The following FABP7 variants were observed in gnomAD, a reference collection of about 807,000 sequenced individuals.
The protein encoded by FABP7 is fatty acid-binding protein, brain.
FABP7 carries 13 observed loss-of-function variants against 14.2 expected under a neutral mutation model. The ratio of observed to expected loss-of-function variants is 0.91; its 90% confidence interval spans 0.59 to 1.45. The LOEUF (loss-of-function observed/expected upper bound fraction) is 1.45, where lower values mean the gene tolerates loss of function less well. FABP7 is among the 40% of genes most tolerant of loss of function. The probability of loss-of-function intolerance (pLI) is 0.00; values close to 1 mark genes in which losing one functional copy is unlikely to be tolerated. For synonymous variants in FABP7, 49 were observed against 51.4 expected (o/e 0.95, Z 0.20); for missense variants, 149 against 157.6 (o/e 0.95, Z 0.29).
rs201036828 is a variant in FABP7 at position 122,780,291 on chromosome 6, G to C, written c.74G>C (p.Gly25Ala). ...QNFDEYMKAL[G>A]VGFATRQVGN... ...TGTACTGTTCCCTTTGCTATTTTAG[G>C]CGTGGGCTTTGCCACTAGGCAGGTG... Residue 25 changes from glycine to alanine, a missense_variant and splice_region_variant, in exon 2 of 4, where the codon GGC (glycine) becomes GCC (alanine). Transcript: ENST00000368444. 1 of 1,613,900 alleles carries C rather than the reference G, an allele frequency of 6.2e-7. No homozygotes were observed. Among genetic ancestry groups the C allele is most frequent in the Admixed American group, 1.7e-5 (1 of 59,960 alleles).
the FABP7 span, among the ~76,000 whole-genome samples, chr6:122,765,840 T>C: frequency 6.6e-6 from 1 of 152,102 alleles, no homozygotes; most frequent in African/African-American, 2.4e-5. Flanking sequence ...GAGACTTTTT[T>C]TTCTTCTTTT....
chr6:122,757,502 G>A, the FABP7 span, among the ~76,000 whole-genome samples: 77 of 152,108 alleles, frequency 5.1e-4, no homozygotes, highest in African/African-American at 1.5e-3. Flanking sequence ...ATGCAATGTC[G>A]TAGAAGAGGA....
the FABP7 span, among the ~76,000 whole-genome samples, chr6:122,773,405 C>G: frequency 5.3e-5 from 8 of 152,300 alleles, no homozygotes; most frequent in Admixed American, 4.6e-4. Flanking sequence ...AGCATTCTTT[C>G]TATCTAATAA....
the FABP7 span, among the ~76,000 whole-genome samples, chr6:122,764,380 G>A: frequency 1.3e-5 from 2 of 151,918 alleles, no homozygotes; most frequent in Admixed American, 6.6e-5. Flanking sequence ...ACACACCAGG[G>A]CCTGTCATGG....
chr6:122,763,468 C>T, the FABP7 span, among the ~76,000 whole-genome samples: 2 of 152,214 alleles, frequency 1.3e-5, no homozygotes, highest in Non-Finnish European at 1.5e-5. Context: ...CCATTCAGGA[C>T]ATAGGCATGG....
At chr6:122,762,333 T>C in the FABP7 span, among the ~76,000 whole-genome samples, 1 of 152,098 alleles carries the variant, frequency 6.6e-6, no homozygotes, top group African/African-American at 2.4e-5. Context: ...TTTGACAAAA[T>C]TCAACAGCCC....
At chr6:122,763,600 C>G in the FABP7 span, among the ~76,000 whole-genome samples, 1 of 151,940 alleles carries the variant, frequency 6.6e-6, no homozygotes, top group African/African-American at 2.4e-5. Context: ...GAGTGAACAG[C>G]CAACCTACAG....
the FABP7 span, among the ~76,000 whole-genome samples, chr6:122,768,597 G>A: frequency 3.3e-3 from 506 of 152,218 alleles, no homozygotes; most frequent in Non-Finnish European, 5.3e-3. Flanking sequence ...GCTTTGTTTC[G>A]AAAGGAGGAT....
chr6:122,779,971 A>C, intron 1 of FABP7, 104 bp downstream of exon 1: 3 of 1,090,472 alleles, frequency 2.8e-6, no homozygotes, highest in Non-Finnish European at 4.1e-6. Flanking sequence ...AAGACAGATC[A>C]CATTGCCCTG....
At chr6:122,781,473 T>C in intron 3 of FABP7, 1 of 1,373,848 alleles carries the variant, frequency 7.3e-7, no homozygotes, top group Non-Finnish European at 9.4e-7. Flanking sequence ...CCTAAAACTG[T>C]GTCAAAAGAT....
chr6:122,783,582 A>C, intron 3 of FABP7, 135 bp from the exon 4 acceptor site: 1 of 1,399,958 alleles, frequency 7.1e-7, no homozygotes, highest in Non-Finnish European at 9.3e-7. Context: ...CAAGATGTGA[A>C]ATGCTTATGC....
chr6:122,753,793 CCGCCCA>C, the FABP7 span, among the ~76,000 whole-genome samples: 1 of 99,636 alleles, frequency 1.0e-5, no homozygotes, highest in Non-Finnish European at 2.1e-5. Context: ...CGCCCCCCCC[CCGCCCA>C]CAGAAGTTTT....
chr6:122,759,315 A>C, the FABP7 span, among the ~76,000 whole-genome samples: 1 of 152,182 alleles, frequency 6.6e-6, no homozygotes, highest in Admixed American at 6.5e-5. Flanking sequence ...CAATTACAGA[A>C]AGAGGTCTGT....
At chr6:122,779,627 G>A, upstream of FABP7, 1 of 630,800 alleles carries the variant, frequency 1.6e-6, no homozygotes, top group Non-Finnish European at 2.8e-6. Context: ...TGGAAAGAGG[G>A]ACACTGGAGG....
At chr6:122,770,999 G>C in the FABP7 span, among the ~76,000 whole-genome samples, 1 of 151,530 alleles carries the variant, frequency 6.6e-6, no homozygotes, top group Non-Finnish European at 1.5e-5. Context: ...CAAAATGTAA[G>C]TAAGTGGTGA....
chr6:122,776,428 A>G (rs1186382323), upstream of FABP7, among the ~76,000 whole-genome samples: 1 of 152,154 alleles, frequency 6.6e-6, no homozygotes, highest in African/African-American at 2.4e-5. Context: ...GAGAAAGAGA[A>G]ATATCACTTT....
upstream of FABP7, among the ~76,000 whole-genome samples, chr6:122,777,855 A>AATAAATAAATAT (rs1167072405): frequency 6.6e-6 from 1 of 150,752 alleles, no homozygotes; most frequent in Non-Finnish European, 1.5e-5. Context: ...AAAATAAATA[A>AATAAATAAATAT]ATAAATAAAT....
At chr6:122,782,160 T>C in intron 3 of FABP7, 1 of 984,118 alleles carries the variant, frequency 1.0e-6, no homozygotes, top group Admixed American at 6.1e-5. Context: ...AAAATATTTT[T>C]TTCAATCAGC....
chr6:122,763,904 A>G, the FABP7 span, among the ~76,000 whole-genome samples: 1 of 152,200 alleles, frequency 6.6e-6, no homozygotes, highest in African/African-American at 2.4e-5. Flanking sequence ...GGTGCTGGAG[A>G]GGATGTGGAG....
Sources: gnomAD v4.1 joint callset for allele counts (sites outside exome capture counted in the v4.1 genomes callset) on GRCh38, gnomAD v4.1.1 for gene constraint, MANE v1.5 for transcripts, NCBI Gene and HGNC (gene_info 2026-07-23, HGNC 2026-07-21) for gene names.